The following TNNT1 variants were observed in gnomAD, a reference collection of about 807,000 sequenced individuals.
TNNT1 encodes the protein troponin T, slow skeletal muscle.
Under a neutral mutation model 50.6 loss-of-function variants are expected in TNNT1, and 53 were observed. The ratio of observed to expected loss-of-function variants is 1.05; its 90% CI spans 0.84 to 1.32. The LOEUF (loss-of-function observed/expected upper bound fraction) is 1.32, where lower values mean the gene tolerates loss of function less well. Among genes scored for constraint, TNNT1 ranks in the 40% most tolerant of loss-of-function variants. The pLI is 0.00. For synonymous variants in TNNT1, 142 were observed against 138.0 expected (o/e 1.03, Z -0.20); for missense variants, 348 against 381.7 (o/e 0.91, Z 0.74).
At chr19:55,141,818 C>G (rs775058294) in intron 7 of TNNT1, 39 bp downstream of exon 7, 10 of 1,611,110 alleles carry the variant, frequency 6.2e-6, no homozygotes, top group Middle Eastern at 1.7e-4. Context: ...CCCTTAAAGA[C>G]TAGCAACTGC....
chr19:55,148,343 C>T (rs570728189), intron 1 of TNNT1, among the ~76,000 whole-genome samples: 2 of 151,944 alleles, frequency 1.3e-5, no homozygotes, highest in Non-Finnish European at 2.9e-5. Flanking sequence ...CCATACATCA[C>T]GTAGGGGGCA....
Position 55,141,919 on chromosome 19 carries a change from G to A in TNNT1, c.130C>T (p.Arg44Cys), listed in dbSNP as rs1568843870. The A allele has an allele frequency of 6.2e-7, 1 of 1,614,016 alleles. No individual in the cohort carries two copies. Among genetic ancestry groups the A allele is most frequent in the Non-Finnish European group, 8.5e-7 (1 of 1,179,954 alleles). ...GGGATCAAAGGAGGCACCACGGGGCGGCTGAGTGGACAGAAACACAGAGAC... is the reference window on the plus strand; with the variant it reads ...GGGATCAAAGGAGGCACCACGGGGCAGCTGAGTGGACAGAAACACAGAGAC... ...EPEEERPKPS[R>C]PVVPPLIPPK... The change falls in exon 7 of 14, where the codon CGC becomes TGC. Residue 44 changes from arginine to cysteine, a missense_variant and splice_region_variant. This residue lies in a region of TNNT1 where 90 missense variants were observed against 70.8 expected (regional missense o/e 1.27). Transcript: ENST00000588981.
intron 9 of TNNT1, among the ~76,000 whole-genome samples, chr19:55,138,441 C>T (rs1204465422): frequency 1.3e-5 from 2 of 152,206 alleles, no homozygotes; most frequent in Non-Finnish European, 2.9e-5. Flanking sequence ...CCGCGCCCAA[C>T]TAATTTTTGT....
Position 55,146,990 on chromosome 19 carries a change from G to T in TNNT1, c.46+18C>A. 1 of 1,602,092 alleles carries T rather than the reference G, an allele frequency of 6.2e-7. No individual in the cohort carries two copies. On this transcript the variant is annotated intron_variant, in intron 3 of 13. Coordinates refer to ENST00000588981, the MANE Select transcript of TNNT1 (RefSeq NM_003283.6). ...GGGCGTGTCCCCATCCCATAGGGCCGGCCCACTCCCTACTCACCTTCCGGC... is the reference window on the plus strand; with the variant it reads ...GGGCGTGTCCCCATCCCATAGGGCCTGCCCACTCCCTACTCACCTTCCGGC...
At chr19:55,133,754 G>C (rs1425111470) in intron 13 of TNNT1, 133 bp downstream of exon 13, 2 of 1,002,226 alleles carry the variant, frequency 2.0e-6, no homozygotes, top group South Asian at 2.6e-5. Context: ...GAGGAGGACA[G>C]AGAAGGAAGG....
intron 9 of TNNT1, among the ~76,000 whole-genome samples, chr19:55,138,732 C>G (rs987055933): frequency 1.3e-5 from 2 of 152,202 alleles, no homozygotes; most frequent in African/African-American, 2.4e-5. Context: ...GGGCCACAGT[C>G]GCCCTTAGTC....
intron 11 of TNNT1, among the ~76,000 whole-genome samples, chr19:55,134,969 C>T (rs149462877): frequency 6.4e-4 from 98 of 151,996 alleles, no homozygotes; most frequent in Middle Eastern, 6.8e-3. Context: ...CACATGACTT[C>T]CTTTAGAATC....
At chr19:55,147,682 T>C (rs80032962) in intron 1 of TNNT1, among the ~76,000 whole-genome samples, 997 of 21,628 alleles carry the variant, frequency 0.046, 31 homozygotes, top group East Asian at 0.081. Context: ...GGGGCTGGGG[T>C]CTGGACTCCT....
At chr19:55,144,319 C>A (rs533220252) in intron 6 of TNNT1, among the ~76,000 whole-genome samples, 11 of 152,268 alleles carry the variant, frequency 7.2e-5, no homozygotes, top group Non-Finnish European at 1.6e-4. Flanking sequence ...ATCCGCCCCC[C>A]TCAGCCTCCC....
intron 6 of TNNT1, among the ~76,000 whole-genome samples, chr19:55,144,185 A>C (rs180841711): frequency 9.7e-4 from 146 of 150,184 alleles, no homozygotes; most frequent in Admixed American, 2.9e-3. Flanking sequence ...CTCCTGCCTC[A>C]GCCTCCCAAA....
At chr19:55,136,626 C>G (rs1272662833) in intron 11 of TNNT1, among the ~76,000 whole-genome samples, 4 of 152,126 alleles carry the variant, frequency 2.6e-5, no homozygotes, top group Non-Finnish European at 4.4e-5. Flanking sequence ...CAGCCCAGGC[C>G]AGAGAACATG....
At chr19:55,146,354 T>G (rs1482039916) in intron 5 of TNNT1, 80 bp downstream of exon 5, 2 of 1,038,906 alleles carry the variant, frequency 1.9e-6, no homozygotes. Context: ...AGGGTGGTCT[T>G]GGAGGTTGGG....
chr19:55,137,091 CACAG>C lies in TNNT1; in HGVS notation c.611+8_611+11del. ...CCAGGCCCCTACACCCCGAGCCCCC[CACAG>C]CACCTACCGGAGCTGTTCCTCCCCC... On this transcript the variant is annotated splice_region_variant and intron_variant, in intron 11 of 13. Transcript: ENST00000588981. 1.9e-6 allele frequency: 3 copies of C among 1,551,532 alleles called. No homozygotes were observed. Among genetic ancestry groups the C allele is most frequent in the South Asian group, 1.1e-5 (1 of 89,826 alleles).
chr19:55,141,850 CACTT>C lies in TNNT1; in HGVS notation c.192+3_192+6del. 2 of 1,613,978 alleles carry C rather than the reference CACTT, an allele frequency of 1.2e-6. No individual in the cohort carries two copies. The highest frequency in any genetic ancestry group is 1.7e-6 in the Non-Finnish European group (2 of 1,179,910). ...CTGCGCCTGCGGAGGGGTCTCTTGT[CACTT>C]ACATCGAAGTCAACGCGCTCCCCTT... On this transcript the variant is annotated splice_donor_5th_base_variant and intron_variant, in intron 7 of 13. Transcript: ENST00000588981.
chr19:55,132,744 TC>T lies in TNNT1; in HGVS notation c.*170del. On this transcript the variant is annotated 3_prime_UTR_variant, in exon 14 of 14. Transcript: ENST00000588981. ...TTTAATGATTATTGGTGACACTCTT[TC>T]AAGTAACTTGTTGGTAATAAGAAGT... The T allele has an allele frequency of 1.5e-6, 1 of 673,246 alleles. No homozygotes were observed. The highest frequency in any genetic ancestry group is 2.7e-5 in the East Asian group (1 of 36,742). The allele number at this position is 673,246 out of a possible 1,614,324, so 41.7% of individuals were successfully genotyped here.
At chr19:55,132,986 G>A in intron 13 of TNNT1, 26 bp from the exon 14 acceptor site, 1 of 1,587,534 alleles carries the variant, frequency 6.3e-7, no homozygotes, top group Non-Finnish European at 8.6e-7. Context: ...GTGGTATCAG[G>A]AAAAAGGGGC....
intron 7 of TNNT1, 138 bp downstream of exon 7, chr19:55,141,719 G>T (rs1454990503): frequency 4.3e-6 from 4 of 937,044 alleles, no homozygotes; most frequent in South Asian, 1.3e-5. Context: ...CCTGACCTCA[G>T]GTGGGTCACC....
intron 5 of TNNT1, 66 bp from the exon 6 acceptor site, chr19:55,145,631 C>T (rs2085535414): frequency 1.3e-6 from 2 of 1,587,940 alleles, no homozygotes; most frequent in South Asian, 1.1e-5. Flanking sequence ...CTAGGCCTGA[C>T]ACACCCTGGG....
chr19:55,141,251 T>C lies in TNNT1; in HGVS notation c.244A>G (p.Ile82Val). The C allele has an allele frequency of 1.9e-6, 3 of 1,614,224 alleles. No individual in the cohort carries two copies. Among genetic ancestry groups the C allele is most frequent in the Non-Finnish European group, 2.5e-6 (3 of 1,180,032 alleles). The change falls in exon 8 of 14, where the codon ATC (isoleucine) becomes GTC (valine). Residue 82 changes from isoleucine to valine, a missense_variant. By Grantham distance (29) the Ile-to-Val change is conservative (BLOSUM62 3). Coordinates refer to ENST00000588981, the MANE Select transcript of TNNT1 (RefSeq NM_003283.6). ...EKDLLELQTL[I>V]DVHFEQRKKE... ...TTCCGCTGCTCGAAATGTACATCGA[T>C]GAGTGTCTGCAGCTCCAGCAGGTCT...
Sources: allele counts gnomAD v4.1 joint callset (sites outside exome capture counted in the v4.1 genomes callset), GRCh38; gene constraint gnomAD v4.1.1; regional missense constraint gnomAD v4.1.1; transcripts MANE v1.5; gene names NCBI Gene and HGNC (gene_info 2026-07-23, HGNC 2026-07-21).